The following NHS variants were observed in gnomAD, a reference collection of about 807,000 sequenced individuals.
NHS encodes actin remodeling regulator NHS.
NHS carries 5 observed loss-of-function variants against 72.5 expected under a neutral mutation model. That is an observed-to-expected ratio of 0.07 (90% CI 0.04 to 0.14). The LOEUF (loss-of-function observed/expected upper bound fraction) is 0.14. Ranked by LOEUF, NHS falls within the 10% of genes least tolerant of loss-of-function variation. NHS has a pLI of 1.00. For synonymous variants in NHS, 464 were observed against 547.7 expected, an observed-to-expected ratio of 0.85 and a Z score of 2.13; for missense variants, 1,072 against 1,355.7, an observed-to-expected ratio of 0.79 and a Z score of 3.29.
At chrX:17,469,935 C>G (rs1335779966) in intron 1 of NHS, among the ~76,000 whole-genome samples, 1 of 111,543 alleles carries the variant, frequency 9.0e-6, no homozygotes, top group Non-Finnish European at 1.9e-5. Flanking sequence ...CCATGCCCAG[C>G]CATTTTTGCT....
chrX:17,616,181 C>A (rs757846436), intron 1 of NHS, among the ~76,000 whole-genome samples: 2 of 112,207 alleles, frequency 1.8e-5, no homozygotes, highest in East Asian at 5.6e-4. Flanking sequence ...TGTCCAAAGT[C>A]CTTCAAAGGG....
chrX:17,386,490 G>A (rs750257271), intron 1 of NHS, among the ~76,000 whole-genome samples: 23 of 109,867 alleles, frequency 2.1e-4, no homozygotes, highest in South Asian at 4.0e-4. Flanking sequence ...GTGAAAACCC[G>A]TCTCTACTAA....
chrX:17,665,388 G>A (rs1205424085), intron 1 of NHS, among the ~76,000 whole-genome samples: 2 of 92,492 alleles, frequency 2.2e-5, no homozygotes, highest in African/African-American at 8.4e-5. Flanking sequence ...GTGCAGTGGC[G>A]CAATCTCGGC....
At chrX:17,401,474 A>G (rs1361075884) in intron 1 of NHS, among the ~76,000 whole-genome samples, 1 of 112,319 alleles carries the variant, frequency 8.9e-6, no homozygotes, top group Non-Finnish European at 1.9e-5. Flanking sequence ...TTTGCAGGTC[A>G]TTTACCTGAA....
intron 1 of NHS, among the ~76,000 whole-genome samples, chrX:17,522,817 A>G (rs2065156748): frequency 1.8e-5 from 2 of 110,932 alleles, no homozygotes; most frequent in Admixed American, 1.9e-4. Flanking sequence ...TTCCTCTCCA[A>G]GTTATTATGT....
chrX:17,433,354 G>A (rs1463809833), intron 1 of NHS, among the ~76,000 whole-genome samples: 1 of 109,999 alleles, frequency 9.1e-6, no homozygotes, highest in East Asian at 2.8e-4. Context: ...CCCCTTGGTT[G>A]TCTGAAAAAT....
intron 1 of NHS, among the ~76,000 whole-genome samples, chrX:17,554,265 G>T (rs1025157867): frequency 6.0e-4 from 68 of 112,458 alleles, no homozygotes; most frequent in African/African-American, 2.0e-3. Context: ...CCCTTCTGCT[G>T]TCCGTAAGGA....
chrX:17,475,212 G>A lies in NHS; in HGVS notation c.565+98890G>A, dbSNP rs761056254. Among the ~76,000 whole-genome samples the A allele has an allele frequency of 4.2e-4, 47 of 112,240 alleles. 1 individual carries two copies. Among genetic ancestry groups the A allele is most frequent in the Admixed American group, 9.4e-5 (1 of 10,592 alleles). On this transcript the variant is annotated intron_variant, in intron 1 of 8. Coordinates refer to ENST00000676302, the MANE Select transcript of NHS (RefSeq NM_001291867.2). ...TGTAGCCACAACCCAGCAGCTATTC[G>A]GAAGTGTGGAGAAGGATGAGAAGGA...
At chrX:17,708,394 G>A (rs768946331) in intron 3 of NHS, among the ~76,000 whole-genome samples, 3 of 111,561 alleles carry the variant, frequency 2.7e-5, no homozygotes, top group African/African-American at 6.5e-5. Flanking sequence ...CTGTACTCTC[G>A]AAACAATATC....
intron 1 of NHS, among the ~76,000 whole-genome samples, chrX:17,495,102 A>G (rs2065006642): frequency 8.9e-6 from 1 of 112,051 alleles, no homozygotes; most frequent in African/African-American, 3.2e-5. Flanking sequence ...CTTACAGGGA[A>G]TATTGATAGC....
chrX:17,582,051 G>A (rs1400942092), intron 1 of NHS, among the ~76,000 whole-genome samples: 3 of 111,747 alleles, frequency 2.7e-5, no homozygotes, highest in African/African-American at 6.5e-5. Context: ...GTCCCGTCCG[G>A]CCATTGAATT....
intron 1 of NHS, among the ~76,000 whole-genome samples, chrX:17,611,430 C>A (rs2065710722): frequency 8.9e-6 from 1 of 112,100 alleles, no homozygotes; most frequent in African/African-American, 3.2e-5. Flanking sequence ...GTGCTCTTAG[C>A]TAGTTGAAGG....
intron 8 of NHS, among the ~76,000 whole-genome samples, chrX:17,731,179 C>T (rs1309676174): frequency 1.8e-5 from 2 of 108,549 alleles, no homozygotes; most frequent in Admixed American, 2.0e-4. Context: ...AGTCTTTCAC[C>T]CCCTGGAACC....
At chrX:17,476,343 G>A (rs992188422) in intron 1 of NHS, among the ~76,000 whole-genome samples, 23 of 111,576 alleles carry the variant, frequency 2.1e-4, no homozygotes, top group African/African-American at 7.2e-4. Flanking sequence ...AAATGGTGAG[G>A]ACAGTCATGT....
At chrX:17,512,682 T>A (rs1451567467) in intron 1 of NHS, among the ~76,000 whole-genome samples, 8 of 112,720 alleles carry the variant, frequency 7.1e-5, no homozygotes, top group African/African-American at 2.3e-4. Flanking sequence ...CCCAAGTCAT[T>A]TCCTAATGTA....
intron 1 of NHS, among the ~76,000 whole-genome samples, chrX:17,600,410 TC>T (rs1402818438): frequency 9.0e-6 from 1 of 111,033 alleles, no homozygotes; most frequent in Non-Finnish European, 1.9e-5. Flanking sequence ...TGTAAAATAT[TC>T]CAATGGAAAA....
At chrX:17,407,304 C>A (rs1314189040) in intron 1 of NHS, among the ~76,000 whole-genome samples, 1 of 111,006 alleles carries the variant, frequency 9.0e-6, no homozygotes, top group Non-Finnish European at 1.9e-5. Context: ...CCCTTCTCAT[C>A]CCTATAAACC....
At chrX:17,689,789 C>A (rs1330766010) in intron 2 of NHS, among the ~76,000 whole-genome samples, 1 of 111,885 alleles carries the variant, frequency 8.9e-6, no homozygotes, top group East Asian at 2.8e-4. Flanking sequence ...TCTCAGGTCC[C>A]ATCATTAGAA....
chrX:17,521,643 G>A (rs1484458785), intron 1 of NHS, among the ~76,000 whole-genome samples: 1 of 111,505 alleles, frequency 9.0e-6, no homozygotes, highest in African/African-American at 3.3e-5. Flanking sequence ...GATTACTGGC[G>A]TGAGCCACCA....
Sources: gnomAD v4.1 joint callset for allele counts (sites outside exome capture counted in the v4.1 genomes callset) on GRCh38, gnomAD v4.1.1 for gene constraint, MANE v1.5 for transcripts, NCBI Gene and HGNC (gene_info 2026-07-23, HGNC 2026-07-21) for gene names.